DOCK7: variants seen among roughly 807,000 people sequenced by gnomAD.
DOCK7 encodes the protein dedicator of cytokinesis protein 7.
Under a neutral mutation model 271.0 loss-of-function variants are expected in DOCK7, and 138 were observed. The ratio of observed to expected loss-of-function variants is 0.51; its 90% confidence interval spans 0.44 to 0.59. The LOEUF (loss-of-function observed/expected upper bound fraction) is 0.59. DOCK7 is among the 20% of genes least tolerant of loss of function. The probability of loss-of-function intolerance (pLI) is 0.00; values close to 1 mark genes in which losing one functional copy is unlikely to be tolerated. For missense variants in DOCK7, 2,066 were observed against 2,592.4 expected (o/e 0.80, Z 4.41); for synonymous variants, 823 against 876.1 (o/e 0.94, Z 1.07).
intron 47 of DOCK7, 138 bp from the exon 48 acceptor site, chr1:62,474,226 A>ATATAGG: frequency 3.3e-6 from 2 of 608,706 alleles, no homozygotes; most frequent in Non-Finnish European, 5.8e-6. Context: ...CCTATATTAA[A>ATATAGG]ACTCCACAGA....
At chr1:62,561,256 G>C (rs1646313669) in intron 19 of DOCK7, among the ~76,000 whole-genome samples, 1 of 152,084 alleles carries the variant, frequency 6.6e-6, no homozygotes, top group Non-Finnish European at 1.5e-5. Context: ...AAGGAATTTG[G>C]AACAAATGAT....
intron 1 of DOCK7, among the ~76,000 whole-genome samples, chr1:62,676,655 C>T (rs1035589729): frequency 6.6e-6 from 1 of 152,064 alleles, no homozygotes; most frequent in Non-Finnish European, 1.5e-5. Context: ...GAGCTGAATG[C>T]AGTCACTAAG....
At chr1:62,531,585 C>T (rs753851271) in intron 29 of DOCK7, among the ~76,000 whole-genome samples, 2 of 152,192 alleles carry the variant, frequency 1.3e-5, no homozygotes, top group African/African-American at 2.4e-5. Context: ...TACTGTTTTG[C>T]AGTCTTAACT....
intron 7 of DOCK7, among the ~76,000 whole-genome samples, chr1:62,638,944 T>C (rs1284568257): frequency 1.3e-5 from 2 of 152,044 alleles, no homozygotes. Context: ...AATAAATGTT[T>C]AATGAAATAA....
At chr1:62,507,635 T>C (rs1003241537) in intron 35 of DOCK7, among the ~76,000 whole-genome samples, 1 of 152,224 alleles carries the variant, frequency 6.6e-6, no homozygotes, top group Non-Finnish European at 1.5e-5. Flanking sequence ...AGTTTATCTA[T>C]ATGTAGCTAT....
Position 62,494,446 on chromosome 1 carries a change from G to C in DOCK7, c.5046C>G (p.Thr1682=), listed in dbSNP as rs368010913. ...LMYRIAKGYQ[T]SPDLRLTWLQ... Reference sequence around the variant, plus strand: ...ACCAGGTCAATCGCAGATCTGGAGAGGTCTGGTAACCCTTGGCAATTCTAA... The same window carrying C: ...ACCAGGTCAATCGCAGATCTGGAGACGTCTGGTAACCCTTGGCAATTCTAA... Residue 1682 remains threonine, a synonymous_variant, in exon 40 of 50, where the codon ACC becomes ACG. Transcript: ENST00000635253. 3.7e-6 allele frequency: 6 copies of C among 1,607,874 alleles called. No individual in the cohort carries two copies. The highest frequency in any genetic ancestry group is 5.1e-6 in the Non-Finnish European group (6 of 1,175,350).
intron 43 of DOCK7, chr1:62,482,143 T>C (rs944128786): frequency 6.6e-5 from 10 of 152,320 alleles, no homozygotes; most frequent in African/African-American, 1.7e-4. Context: ...TCAACATTTT[T>C]TGAGTACTTA....
chr1:62,590,760 G>A (rs1160029429), intron 14 of DOCK7, among the ~76,000 whole-genome samples: 1 of 152,088 alleles, frequency 6.6e-6, no homozygotes, highest in Non-Finnish European at 1.5e-5. Flanking sequence ...CACTGATCAT[G>A]AGAGAAATGC....
At chr1:62,634,688 T>A in intron 9 of DOCK7, 85 bp downstream of exon 9, 1 of 1,351,458 alleles carries the variant, frequency 7.4e-7, no homozygotes. Flanking sequence ...AAAGGTCAAA[T>A]CTTTGCCCTT....
intron 14 of DOCK7, among the ~76,000 whole-genome samples, chr1:62,611,940 T>G (rs936319423): frequency 3.3e-5 from 5 of 150,260 alleles, no homozygotes; most frequent in Non-Finnish European, 7.4e-5. Context: ...AGGTCAGGAG[T>G]TCGAGACATG....
chr1:62,590,684 T>C (rs1237966463), intron 14 of DOCK7, among the ~76,000 whole-genome samples: 5 of 152,022 alleles, frequency 3.3e-5, no homozygotes, highest in Non-Finnish European at 7.4e-5. Context: ...ACAAAGCACA[T>C]GAACAGACAC....
intron 14 of DOCK7, among the ~76,000 whole-genome samples, chr1:62,595,425 G>A (rs548741993): frequency 5.3e-5 from 8 of 152,236 alleles, no homozygotes; most frequent in African/African-American, 1.7e-4. Context: ...AGAAAACAGG[G>A]GTTCAGAGAT....
chr1:62,576,718 T>C (rs1646951599), intron 18 of DOCK7, among the ~76,000 whole-genome samples: 1 of 152,194 alleles, frequency 6.6e-6, no homozygotes, highest in South Asian at 2.1e-4. Context: ...TGGCTATTGA[T>C]TCTTGATTGA....
intron 16 of DOCK7, among the ~76,000 whole-genome samples, chr1:62,581,459 A>G (rs918512385): frequency 2.6e-5 from 4 of 152,226 alleles, no homozygotes; most frequent in African/African-American, 9.6e-5. Context: ...GGTCAGGACA[A>G]GAGTCAAGGA....
At chr1:62,568,959 C>T (rs2149462186) in intron 18 of DOCK7, among the ~76,000 whole-genome samples, 1 of 152,166 alleles carries the variant, frequency 6.6e-6, no homozygotes, top group South Asian at 2.1e-4. Flanking sequence ...GAATGTACTA[C>T]AAACACCTCT....
intron 48 of DOCK7, among the ~76,000 whole-genome samples, chr1:62,459,681 T>C (rs1168445434): frequency 6.6e-6 from 1 of 152,004 alleles, no homozygotes; most frequent in Non-Finnish European, 1.5e-5. Flanking sequence ...ATGGCAATAA[T>C]CCTAAAATAA....
chr1:62,620,084 C>G, intron 12 of DOCK7, 91 bp from the exon 13 acceptor site: 1 of 959,458 alleles, frequency 1.0e-6, no homozygotes, highest in East Asian at 2.8e-5. Context: ...CTTTGGGAGG[C>G]TGAGGCGGGC....
intron 28 of DOCK7, among the ~76,000 whole-genome samples, chr1:62,536,394 C>T (rs1456069091): frequency 2.6e-5 from 4 of 152,042 alleles, no homozygotes; most frequent in Non-Finnish European, 5.9e-5. Flanking sequence ...AAGAGATGTT[C>T]AGTAAGGAAT....
chr1:62,460,552 C>G (rs1392743054), intron 48 of DOCK7, among the ~76,000 whole-genome samples: 1 of 151,894 alleles, frequency 6.6e-6, no homozygotes, highest in East Asian at 1.9e-4. Context: ...TTGGTATCCA[C>G]AGAAGGCACA....
Sources: gnomAD v4.1 joint callset for allele counts (sites outside exome capture counted in the v4.1 genomes callset) on GRCh38, gnomAD v4.1.1 for gene constraint, MANE v1.5 for transcripts, NCBI Gene and HGNC (gene_info 2026-07-23, HGNC 2026-07-21) for gene names.